FBN2: variants seen among roughly 807,000 people sequenced by gnomAD.
The protein encoded by FBN2 is fibrillin 2.
In FBN2, 105 loss-of-function variants were observed where a neutral mutation model predicts 355.6. That is an observed-to-expected ratio of 0.30 (90% confidence interval 0.25 to 0.35). The LOEUF (loss-of-function observed/expected upper bound fraction) is 0.35, where lower values mean the gene tolerates loss of function less well. FBN2 is among the 10% of genes least tolerant of loss of function. The pLI, the probability that FBN2 is intolerant of heterozygous loss-of-function variation, is 1.00. For synonymous variants in FBN2, 1,350 were observed against 1,301.2 expected (o/e 1.04, Z -0.81); for missense variants, 3,280 against 3,758.7 (o/e 0.87, Z 3.33).
At chr5:128,379,445 A>G (rs1752171925) in intron 11 of FBN2, among the ~76,000 whole-genome samples, 1 of 152,164 alleles carries the variant, frequency 6.6e-6, no homozygotes, top group South Asian at 2.1e-4. Flanking sequence ...GTAAAAAAAC[A>G]TGAGGGAGTA....
At chr5:128,449,731 C>T (rs571237992) in intron 6 of FBN2, among the ~76,000 whole-genome samples, 29 of 151,086 alleles carry the variant, frequency 1.9e-4, no homozygotes, top group East Asian at 1.2e-3. Context: ...GTCAGTGGTA[C>T]GAAAAATTCC....
intron 7 of FBN2, among the ~76,000 whole-genome samples, chr5:128,418,241 T>C (rs1753256409): frequency 6.6e-6 from 1 of 152,174 alleles, no homozygotes; most frequent in African/African-American, 2.4e-5. Flanking sequence ...CTCCTTCTTA[T>C]TGATTACTCT....
chr5:128,472,720 G>T (rs987050041), intron 5 of FBN2, among the ~76,000 whole-genome samples: 4 of 151,892 alleles, frequency 2.6e-5, no homozygotes, highest in Non-Finnish European at 5.9e-5. Flanking sequence ...GAACCCGGGA[G>T]GGGGAGGTTG....
In FBN2 at chr5:128,520,217, C is replaced by A. The variant is rs114925537; in HGVS notation, c.533-849G>T. Among the ~76,000 whole-genome samples, 497 of 152,280 alleles carry A rather than the reference C, an allele frequency of 3.3e-3. 3 individuals are homozygous for A. Among genetic ancestry groups the A allele is most frequent in the African/African-American group, 0.011 (459 of 41,558 alleles). On this transcript the variant is annotated intron_variant, in intron 4 of 64. Transcript: ENST00000262464. ...AACTTGAACCACTCCCCTCTCCCCA[C>A]TGAACTGCCGTGCACTGCAACTCGG...
At chr5:128,276,210 A>C in intron 58 of FBN2, 50 bp from the exon 59 acceptor site, 1 of 1,588,808 alleles carries the variant, frequency 6.3e-7, no homozygotes, top group Non-Finnish European at 8.6e-7. Flanking sequence ...AGAAACAACC[A>C]GACTCTTTCC....
At chr5:128,359,460 T>C (rs1427560923) in intron 19 of FBN2, among the ~76,000 whole-genome samples, 1 of 152,052 alleles carries the variant, frequency 6.6e-6, no homozygotes, top group Non-Finnish European at 1.5e-5. Context: ...TTTGCAAAAC[T>C]CTTAATAAAA....
At chr5:128,304,168 A>T (rs191728826) in intron 45 of FBN2, among the ~76,000 whole-genome samples, 1 of 152,330 alleles carries the variant, frequency 6.6e-6, no homozygotes, top group African/African-American at 2.4e-5. Flanking sequence ...CCTTTTCTAC[A>T]CTGAGAAAAT....
In FBN2 at chr5:128,483,719, GT is replaced by G. The variant is rs760408948; in HGVS notation, c.629-18799del. Among the ~76,000 whole-genome samples the G allele has an allele frequency of 2.6e-5, 4 of 151,740 alleles. No individual in the cohort carries two copies. The South Asian group carries it at 8.3e-4, about 32-fold the overall frequency. On this transcript the variant is annotated intron_variant, in intron 5 of 64. Transcript: ENST00000262464. ...TCAAGTATTGAAAATGAGTTGTCTG[GT>G]TGGCAATCAGGGGTGGGGGGTGGCA...
intron 37 of FBN2, 149 bp downstream of exon 37, chr5:128,312,484 TG>T: frequency 1.3e-6 from 1 of 766,972 alleles, no homozygotes; most frequent in Non-Finnish European, 2.2e-6. Flanking sequence ...CATTCTTGGC[TG>T]GTTTCAGAGT....
At chr5:128,280,390 T>C (rs1765504696) in intron 55 of FBN2, 73 bp from the exon 56 acceptor site, 3 of 1,176,066 alleles carry the variant, frequency 2.6e-6, no homozygotes, top group African/African-American at 1.5e-5. Flanking sequence ...TTCTAATGGG[T>C]TATATCTTAT....
chr5:128,380,174 C>T (rs1752192997), intron 11 of FBN2, among the ~76,000 whole-genome samples: 1 of 152,084 alleles, frequency 6.6e-6, no homozygotes, highest in Non-Finnish European at 1.5e-5. Flanking sequence ...ACCATCAATT[C>T]TACTGAGCCA....
intron 6 of FBN2, among the ~76,000 whole-genome samples, chr5:128,448,712 T>A (rs959795123): frequency 6.6e-6 from 1 of 152,330 alleles, no homozygotes; most frequent in South Asian, 2.1e-4. Flanking sequence ...TGTAAAGGAA[T>A]ACTAATTATT....
Position 128,537,447 on chromosome 5 carries a change from C to T in FBN2, c.157G>A (p.Gly53Ser), listed in dbSNP as rs146807421. The change falls in exon 1 of 65, where the codon GGC becomes AGC. Residue 53 changes from glycine (G) to serine (S), a missense_variant. Gly to Ser is a moderately conservative substitution (Grantham distance 56). Transcript: ENST00000262464. ...PPQQVRSATA[G>S]SEGGFLAPEY... Reference sequence around the variant, plus strand: ...GGCGCTAGAAACCCGCCTTCAGAGCCTGCTGTAGCGGACCGAACCTGTTGC... The same window carrying T: ...GGCGCTAGAAACCCGCCTTCAGAGCTTGCTGTAGCGGACCGAACCTGTTGC... The T allele has an allele frequency of 2.8e-5, 45 of 1,608,176 alleles. No individual in the cohort carries two copies. In the African/African-American group the frequency reaches 3.5e-4, roughly 12 times the overall value.
At chr5:128,500,151 A>C (rs968614515) in intron 5 of FBN2, among the ~76,000 whole-genome samples, 4 of 152,084 alleles carry the variant, frequency 2.6e-5, no homozygotes, top group Admixed American at 6.6e-5. Context: ...AAACTTTTTA[A>C]ATGTGATAAA....
Position 128,263,569 on chromosome 5 carries a change from C to T in FBN2, c.8048G>A (p.Gly2683Glu), listed in dbSNP as rs1431940780. The T allele has an allele frequency of 6.2e-7, 1 of 1,614,102 alleles. No homozygotes were observed. The highest frequency in any genetic ancestry group is 8.5e-7 in the Non-Finnish European group (1 of 1,179,998). Residue 2683 changes from glycine to glutamate, a missense_variant, in exon 63 of 65, where the codon GGG becomes GAG. Physicochemically the swap from Gly to Glu is moderately conservative, Grantham distance 98. Coordinates refer to ENST00000262464, the MANE Select transcript of FBN2 (RefSeq NM_001999.4). Reference protein sequence around the residue: ...LGSYKCACPSGFSFDQFSSAC... With the variant: ...LGSYKCACPSEFSFDQFSSAC... Reference sequence around the variant, plus strand: ...ACTGGAGAACTGGTCGAAGGAGAACCCCGAGGGGCAGGCGCACTTGTAACT... The same window carrying T: ...ACTGGAGAACTGGTCGAAGGAGAACTCCGAGGGGCAGGCGCACTTGTAACT...
intron 12 of FBN2, among the ~76,000 whole-genome samples, 192 bp downstream of exon 12, chr5:128,378,579 A>T (rs1309192066): frequency 6.6e-6 from 1 of 152,196 alleles, no homozygotes; most frequent in Non-Finnish European, 1.5e-5. Flanking sequence ...GAAAACAGAT[A>T]CCATGTTGCC....
At chr5:128,519,197 T>C (rs2112787417) in intron 5 of FBN2, 76 bp downstream of exon 5, 3 of 1,007,160 alleles carry the variant, frequency 3.0e-6, no homozygotes, top group East Asian at 2.6e-5. Context: ...AGAATCTTCA[T>C]TGAATAGCAA....
At chr5:128,446,089 C>T (rs368141520) in intron 7 of FBN2, 21 of 177,728 alleles carry the variant, frequency 1.2e-4, no homozygotes, top group East Asian at 9.5e-4. Context: ...ATATATGACA[C>T]GGTGCCAACT....
chr5:128,413,286 C>T (rs1238642756), intron 7 of FBN2, among the ~76,000 whole-genome samples: 1 of 152,026 alleles, frequency 6.6e-6, no homozygotes, highest in Non-Finnish European at 1.5e-5. Flanking sequence ...AGGAGGAAAC[C>T]ATGAGAACTA....
Sources: allele counts gnomAD v4.1 joint callset (sites outside exome capture counted in the v4.1 genomes callset), GRCh38; gene constraint gnomAD v4.1.1; transcripts MANE v1.5; gene names NCBI Gene and HGNC (gene_info 2026-07-23, HGNC 2026-07-21).